The following KDM6A variants were observed in gnomAD, a reference collection of about 807,000 sequenced individuals.
The protein encoded by KDM6A is lysine demethylase 6A.
Under a neutral mutation model 117.6 loss-of-function variants are expected in KDM6A, and 11 were observed. That is an observed-to-expected ratio of 0.09 (90% CI 0.06 to 0.15). KDM6A has a LOEUF of 0.15. Among genes scored for constraint, KDM6A ranks in the 10% least tolerant of loss-of-function variants. KDM6A has a pLI of 1.00. For missense variants in KDM6A, 799 were observed against 1,077.3 expected (o/e 0.74, Z 3.62); for synonymous variants, 384 against 396.1 (o/e 0.97, Z 0.36).
intron 4 of KDM6A, among the ~76,000 whole-genome samples, chrX:44,976,410 T>C (rs766320776): frequency 9.0e-6 from 1 of 111,134 alleles, no homozygotes; most frequent in Non-Finnish European, 1.9e-5. Context: ...CCGTGGGGCA[T>C]TGGTTTCAGG....
At chrX:45,053,718 A>T in intron 9 of KDM6A, 111 bp from the exon 10 acceptor site, 1 of 623,478 alleles carries the variant, frequency 1.6e-6, no homozygotes, top group Non-Finnish European at 2.6e-6. Context: ...AAACTAAATT[A>T]ATAAATTGAC....
At chrX:44,984,023 A>T (rs1467427235) in intron 4 of KDM6A, among the ~76,000 whole-genome samples, 1 of 110,865 alleles carries the variant, frequency 9.0e-6, no homozygotes, top group East Asian at 2.8e-4. Context: ...TTACAGTCCC[A>T]CTAACAGTGT....
chrX:44,880,946 T>C (rs1213659863), intron 2 of KDM6A, among the ~76,000 whole-genome samples: 2 of 112,495 alleles, frequency 1.8e-5, no homozygotes, highest in Non-Finnish European at 3.8e-5. Flanking sequence ...TGGGATACTT[T>C]TGAACTTGAT....
intron 27 of KDM6A, chrX:45,107,121 C>T (rs2046560725): frequency 4.4e-6 from 1 of 224,906 alleles, no homozygotes; most frequent in Admixed American, 6.5e-5. Flanking sequence ...CCAAAATTAG[C>T]AACTCACATT....
At chrX:44,979,699 G>T (rs2039792386) in intron 4 of KDM6A, among the ~76,000 whole-genome samples, 1 of 110,181 alleles carries the variant, frequency 9.1e-6, no homozygotes, top group Admixed American at 9.8e-5. Flanking sequence ...TTCTGTTTTG[G>T]CCTGTGATAC....
chrX:44,935,105 A>G (rs7054322), intron 2 of KDM6A, among the ~76,000 whole-genome samples: 18,918 of 110,742 alleles, frequency 0.17, 2,367 homozygotes, highest in African/African-American at 0.44. Context: ...ATTATGCACA[A>G]TCCTAGAAAG....
chrX:44,964,750 A>G (rs1181513428), intron 3 of KDM6A, among the ~76,000 whole-genome samples: 1 of 111,684 alleles, frequency 9.0e-6, no homozygotes, highest in African/African-American at 3.3e-5. Flanking sequence ...GATTTAGCAT[A>G]TTTCTTGAGG....
intron 8 of KDM6A, among the ~76,000 whole-genome samples, chrX:45,042,615 CA>C (rs972884439): frequency 6.3e-5 from 7 of 111,111 alleles, no homozygotes; most frequent in African/African-American, 2.3e-4. Context: ...GCTAGGTAAA[CA>C]ATAGTTCAAG....
rs111485648 is a variant in KDM6A, at chrX:45,061,702, G to A, written c.1581+283G>A. Among the ~76,000 whole-genome samples the A allele has an allele frequency of 0.038, 4,095 of 108,358 alleles. 220 individuals are homozygous for A. Among genetic ancestry groups the A allele is most frequent in the African/African-American group, 0.13 (3,919 of 29,585 alleles). The allele number at this position is 108,358 out of a possible 115,157, so 94.1% of individuals were successfully genotyped here. On this transcript the variant is annotated intron_variant, in intron 15 of 29. Coordinates refer to ENST00000611820, the MANE Select transcript of KDM6A (RefSeq NM_001291415.2). ...AGACTGGGTTTCGCCATGTTGGCCA[G>A]ACTGGTCTTGCACTCCTGACCTCAA... is the stretch of plus-strand genomic sequence containing the variant.
At chrX:45,072,806 A>G (rs1450908357) in intron 18 of KDM6A, among the ~76,000 whole-genome samples, 1 of 109,433 alleles carries the variant, frequency 9.1e-6, no homozygotes, top group East Asian at 2.8e-4. Context: ...CAAACTGTGT[A>G]TAGTAGCAGT....
rs1175157352 is a variant in KDM6A at position 45,058,083 on chromosome X, C to CG, written c.876-923_876-922insG. Among the ~76,000 whole-genome samples the CG allele has an allele frequency of 2.1e-3, 162 of 78,949 alleles. 3 individuals are homozygous for CG. Among genetic ancestry groups the CG allele is most frequent in the African/African-American group, 7.3e-3 (158 of 21,517 alleles). 68.6% of individuals were successfully genotyped at this position (78,949 alleles called of 115,157 possible). ...ATCCCTTACTCTTACTCTCCCCCCC[C>CG]CCCCTTTTTTTTTTTGCCTTTCCTA... is the stretch of plus-strand genomic sequence containing the variant. On this transcript the variant is annotated intron_variant, in intron 10 of 29. Transcript: ENST00000611820.
intron 2 of KDM6A, among the ~76,000 whole-genome samples, chrX:44,937,938 A>G (rs1048206997): frequency 2.7e-5 from 3 of 110,054 alleles, no homozygotes; most frequent in African/African-American, 9.9e-5. Context: ...GGTGTAAGCT[A>G]GGCCTCTTAC....
intron 2 of KDM6A, among the ~76,000 whole-genome samples, chrX:44,937,937 T>C (rs2037071591): frequency 9.0e-6 from 1 of 110,802 alleles, no homozygotes; most frequent in Admixed American, 9.6e-5. Flanking sequence ...TGGTGTAAGC[T>C]AGGCCTCTTA....
At chrX:44,990,024 C>T (rs1205322846) in intron 4 of KDM6A, among the ~76,000 whole-genome samples, 1 of 111,701 alleles carries the variant, frequency 9.0e-6, no homozygotes, top group African/African-American at 3.3e-5. Flanking sequence ...AGACCACTGT[C>T]TTAGAGCCTG....
chrX:44,991,935 C>T (rs756119157), intron 4 of KDM6A, among the ~76,000 whole-genome samples: 12 of 110,776 alleles, frequency 1.1e-4, no homozygotes, highest in East Asian at 2.8e-4. Flanking sequence ...GTGATCCGCC[C>T]GCCTCAGCCT....
intron 5 of KDM6A, among the ~76,000 whole-genome samples, chrX:45,016,676 T>C (rs2041984690): frequency 9.1e-6 from 1 of 110,410 alleles, no homozygotes; most frequent in Non-Finnish European, 1.9e-5. Context: ...ATTTTTGTAT[T>C]TTTAGTAGAG....
intron 3 of KDM6A, among the ~76,000 whole-genome samples, chrX:44,962,359 T>C (rs1176402255): frequency 1.8e-5 from 2 of 111,935 alleles, no homozygotes; most frequent in Admixed American, 1.9e-4. Flanking sequence ...GCACTACCTT[T>C]AACAGATTAT....
intron 4 of KDM6A, among the ~76,000 whole-genome samples, chrX:45,002,708 CA>C (rs1412441051): frequency 9.0e-5 from 10 of 111,605 alleles, no homozygotes; most frequent in South Asian, 3.7e-4. Context: ...CCTTTTATAA[CA>C]TTTTTTTTCA....
intron 3 of KDM6A, among the ~76,000 whole-genome samples, chrX:44,966,610 G>C (rs2039024567): frequency 9.0e-6 from 1 of 111,022 alleles, no homozygotes; most frequent in Non-Finnish European, 1.9e-5. Flanking sequence ...AAGGATTTAA[G>C]TCCTTGAAAA....
Sources: allele counts gnomAD v4.1 joint callset (sites outside exome capture counted in the v4.1 genomes callset), GRCh38; gene constraint gnomAD v4.1.1; transcripts MANE v1.5; gene names NCBI Gene and HGNC (gene_info 2026-07-23, HGNC 2026-07-21).